The following PTPRD variants were observed in gnomAD, a reference collection of about 807,000 sequenced individuals.
PTPRD encodes protein tyrosine phosphatase receptor type D.
PTPRD carries 34 observed loss-of-function variants against 214.5 expected under a neutral mutation model. That is an observed-to-expected ratio of 0.16 (90% CI 0.12 to 0.21). The LOEUF is 0.21. Ranked by LOEUF, PTPRD falls within the 10% of genes least tolerant of loss-of-function variation. The pLI is 1.00. For synonymous variants in PTPRD, 1,128 were observed against 845.7 expected (o/e 1.33, Z -5.79); for missense variants, 2,545 against 2,398.7 (o/e 1.06, Z -1.27).
At chr9:8,681,615 G>T (rs922687813) in intron 12 of PTPRD, among the ~76,000 whole-genome samples, 6 of 152,126 alleles carry the variant, frequency 3.9e-5, no homozygotes, top group Non-Finnish European at 7.3e-5. Context: ...CCAAGATCAG[G>T]TTAGCAGCAG....
chr9:8,558,271 A>G (rs1426716040), intron 14 of PTPRD, among the ~76,000 whole-genome samples: 2 of 152,166 alleles, frequency 1.3e-5, no homozygotes, highest in African/African-American at 2.4e-5. Context: ...TTCTTCCTCT[A>G]TATCTTCTCT....
rs10959104 is a variant in PTPRD, at chr9:10,449,743, A to G, written c.-599-108726T>C. 1.8e-4 allele frequency among the ~76,000 whole-genome samples: 28 copies of G among 151,568 alleles called. No homozygotes were observed. The East Asian group carries it at 4.5e-3, about 24-fold the overall frequency. On this transcript the variant is annotated intron_variant, in intron 2 of 45. Coordinates refer to ENST00000381196, the MANE Select transcript of PTPRD (RefSeq NM_002839.4). ...GGCAGCCACCCCATCTGGGAGGTGT[A>G]CCCAACAGCTCATTGAGAACGGGCC...
chr9:10,295,041 G>A (rs2095635742), intron 3 of PTPRD, among the ~76,000 whole-genome samples: 1 of 151,906 alleles, frequency 6.6e-6, no homozygotes, highest in Admixed American at 6.6e-5. Flanking sequence ...TGATAAAAGA[G>A]GAAAACTTAA....
chr9:9,781,948 A>G (rs2098847296), intron 5 of PTPRD, among the ~76,000 whole-genome samples: 1 of 151,956 alleles, frequency 6.6e-6, no homozygotes, highest in Non-Finnish European at 1.5e-5. Flanking sequence ...GCCCACTACC[A>G]CGCCCGGCTA....
intron 10 of PTPRD, among the ~76,000 whole-genome samples, chr9:9,131,739 GC>G (rs2099842968): frequency 6.6e-6 from 1 of 152,106 alleles, no homozygotes; most frequent in Admixed American, 6.5e-5. Flanking sequence ...TATATGAATA[GC>G]CAATTCAAAT....
chr9:8,879,800 G>C (rs778510847), intron 11 of PTPRD, among the ~76,000 whole-genome samples: 1 of 152,258 alleles, frequency 6.6e-6, no homozygotes, highest in African/African-American at 2.4e-5. Flanking sequence ...GAGAGAGGCT[G>C]GACCAAATCT....
intron 9 of PTPRD, among the ~76,000 whole-genome samples, chr9:9,327,926 A>G (rs950311645): frequency 6.6e-6 from 1 of 151,950 alleles, no homozygotes; most frequent in Non-Finnish European, 1.5e-5. Context: ...AAAAATCACA[A>G]AAAAATTCAT....
intron 35 of PTPRD, among the ~76,000 whole-genome samples, chr9:8,411,068 AC>A (rs2093473591): frequency 1.3e-5 from 2 of 152,038 alleles, no homozygotes; most frequent in Non-Finnish European, 2.9e-5. Flanking sequence ...ATGATGAAAA[AC>A]AACAACAAAA....
chr9:9,846,948 A>G (rs1298233939), intron 5 of PTPRD, among the ~76,000 whole-genome samples: 1 of 152,138 alleles, frequency 6.6e-6, no homozygotes, highest in Admixed American at 6.6e-5. Context: ...GTGATGTGTA[A>G]AACTAGCAGG....
chr9:8,717,706 G>C (rs1232982884), intron 12 of PTPRD, among the ~76,000 whole-genome samples: 3 of 152,152 alleles, frequency 2.0e-5, no homozygotes, highest in African/African-American at 7.2e-5. Flanking sequence ...AAATTAGTTG[G>C]TGTGGGGCCT....
At chr9:9,515,885 G>A (rs1243901793) in intron 8 of PTPRD, among the ~76,000 whole-genome samples, 1 of 152,028 alleles carries the variant, frequency 6.6e-6, no homozygotes, top group African/African-American at 2.4e-5. Flanking sequence ...AAAGAGAATT[G>A]TATTATAAGG....
At chr9:10,346,238 A>C (rs556258902) in intron 2 of PTPRD, among the ~76,000 whole-genome samples, 1 of 152,178 alleles carries the variant, frequency 6.6e-6, no homozygotes, top group Non-Finnish European at 1.5e-5. Context: ...ATGTCATCCA[A>C]AACAAGAACC....
intron 9 of PTPRD, among the ~76,000 whole-genome samples, chr9:9,210,188 ATCTC>A (rs1187619062): frequency 6.6e-6 from 1 of 152,200 alleles, no homozygotes; most frequent in Non-Finnish European, 1.5e-5. Context: ...GAGAGCCAGC[ATCTC>A]TGCTCACTAG....
chr9:9,661,725 G>T (rs548614821), intron 7 of PTPRD, among the ~76,000 whole-genome samples: 1 of 151,940 alleles, frequency 6.6e-6, no homozygotes, highest in South Asian at 2.1e-4. Context: ...AGAAGATGGT[G>T]ATGTAAGATG....
At chr9:9,759,693 G>C (rs576403956) in intron 6 of PTPRD, among the ~76,000 whole-genome samples, 16 of 151,792 alleles carry the variant, frequency 1.1e-4, no homozygotes, top group Non-Finnish European at 2.1e-4. Context: ...AAGTAGCTGA[G>C]ATTACAGGTG....
At chr9:8,745,671 GATTTTCT>G (rs1482142489) in intron 11 of PTPRD, among the ~76,000 whole-genome samples, 1 of 152,146 alleles carries the variant, frequency 6.6e-6, no homozygotes, top group Non-Finnish European at 1.5e-5. Flanking sequence ...ACCAGTAATA[GATTTTCT>G]AAATTCTCAC....
intron 7 of PTPRD, among the ~76,000 whole-genome samples, chr9:9,635,339 C>A (rs779861938): frequency 9.9e-5 from 15 of 152,102 alleles, no homozygotes; most frequent in Non-Finnish European, 2.1e-4. Context: ...CCCGTATGTC[C>A]AACTTAGAAG....
intron 8 of PTPRD, among the ~76,000 whole-genome samples, chr9:9,521,213 C>A (rs910320947): frequency 2.0e-5 from 3 of 152,098 alleles, no homozygotes; most frequent in Admixed American, 2.0e-4. Context: ...GTGTACTGAA[C>A]AAAGTCGCTA....
chr9:8,713,440 T>C (rs887692595), intron 12 of PTPRD: 16 of 1,090,540 alleles, frequency 1.5e-5, no homozygotes, highest in Non-Finnish European at 2.1e-5. Context: ...CAAGTCCCGC[T>C]TCTGGTACTT....
Sources: gnomAD v4.1 joint callset for allele counts (sites outside exome capture counted in the v4.1 genomes callset) on GRCh38, gnomAD v4.1.1 for gene constraint, MANE v1.5 for transcripts, NCBI Gene and HGNC (gene_info 2026-07-23, HGNC 2026-07-21) for gene names.